The following ACACA variants were observed in gnomAD, a reference collection of about 807,000 sequenced individuals.
The protein encoded by ACACA is acetyl-CoA carboxylase 1.
A neutral mutation model predicts 296.1 loss-of-function variants in ACACA; 103 were observed. That is an observed-to-expected ratio of 0.35 (90% CI 0.30 to 0.41). ACACA has a LOEUF of 0.41. ACACA is among the 10% of genes least tolerant of loss of function. ACACA has a pLI of 1.00. For synonymous variants in ACACA, 953 were observed against 1,038.6 expected (o/e 0.92, Z 1.58); for missense variants, 1,554 against 2,989.7 (o/e 0.52, Z 11.20).
At chr17:37,304,130 GTA>G (rs1429038561) in intron 3 of ACACA, among the ~76,000 whole-genome samples, 1 of 151,974 alleles carries the variant, frequency 6.6e-6, no homozygotes, top group African/African-American at 2.4e-5. Flanking sequence ...TTTGCCATAG[GTA>G]TATCCTCTTT....
chr17:37,185,405 T>TC (rs2077491521), intron 39 of ACACA, among the ~76,000 whole-genome samples: 1 of 123,996 alleles, frequency 8.1e-6, no homozygotes, highest in African/African-American at 3.3e-5. Flanking sequence ...GCTATTTCTT[T>TC]TTTTTTTTTT....
chr17:37,089,230 C>T (rs1283528869), intron 54 of ACACA, among the ~76,000 whole-genome samples, 156 bp from the exon 55 acceptor site: 1 of 152,190 alleles, frequency 6.6e-6, no homozygotes, highest in Non-Finnish European at 1.5e-5. Flanking sequence ...GGAAGTAGGC[C>T]TCGAGGCAGG....
chr17:37,236,861 CA>C (rs2080137200), intron 24 of ACACA, among the ~76,000 whole-genome samples: 1 of 151,860 alleles, frequency 6.6e-6, no homozygotes, highest in Non-Finnish European at 1.5e-5. Flanking sequence ...AAAAACAAAA[CA>C]AAACAGTTTA....
chr17:37,148,785 T>A (rs1342023000), intron 45 of ACACA, among the ~76,000 whole-genome samples: 2 of 152,100 alleles, frequency 1.3e-5, no homozygotes, highest in African/African-American at 4.8e-5. Context: ...TCAGGCTGGA[T>A]TCAAACTTCT....
At chr17:37,293,763 C>A (rs1033007832) in intron 3 of ACACA, among the ~76,000 whole-genome samples, 1 of 152,108 alleles carries the variant, frequency 6.6e-6, no homozygotes, top group Admixed American at 6.6e-5. Flanking sequence ...TGGTCTCGAA[C>A]TCCTGACCTC....
At chr17:37,347,466 T>C (rs1352377722) in intron 1 of ACACA, among the ~76,000 whole-genome samples, 2 of 152,116 alleles carry the variant, frequency 1.3e-5, no homozygotes, top group Admixed American at 1.3e-4. Context: ...GCTAGCTTTT[T>C]TGTGATTTTT....
Position 37,113,074 on chromosome 17 carries a change from G to A in ACACA, c.6452+14C>T, listed in dbSNP as rs2074065021. 6.2e-7 allele frequency: 1 copy of A among 1,613,884 alleles called. No individual in the cohort carries two copies. The highest frequency in any genetic ancestry group is 1.7e-5 in the Admixed American group (1 of 59,998). On this transcript the variant is annotated intron_variant, in intron 51 of 55. Transcript: ENST00000616317. This position sits in a 1 kb window ranked among gnomAD's most constrained non-coding sequence, Gnocchi z 4.0. ...CCCTAAAGGCAGTGAATGGAAATGT[G>A]GAAGGCACGCTACCTGCTTTCTCGG...
intron 3 of ACACA, among the ~76,000 whole-genome samples, chr17:37,319,704 G>A (rs888101704): frequency 6.6e-6 from 1 of 151,996 alleles, no homozygotes; most frequent in Non-Finnish European, 1.5e-5. Flanking sequence ...TGTAATCCCA[G>A]CATTTTGGGA....
intron 9 of ACACA, among the ~76,000 whole-genome samples, chr17:37,273,776 CTGTT>C: frequency 6.6e-6 from 1 of 152,304 alleles, no homozygotes. Context: ...ATAAAGCTGA[CTGTT>C]TGATCTCTGC....
chr17:37,152,565 A>G (rs964699126), intron 43 of ACACA, among the ~76,000 whole-genome samples: 2 of 152,174 alleles, frequency 1.3e-5, no homozygotes, highest in Non-Finnish European at 2.9e-5. Context: ...ATGTGTGTAG[A>G]AGTGAAATGC....
In ACACA at chr17:37,260,281, TATATATATATA is replaced by T. The variant is rs1359534150; in HGVS notation, c.1330-762_1330-752del. Among the ~76,000 whole-genome samples, 32 of 36,220 alleles carry T rather than the reference TATATATATATA, an allele frequency of 8.8e-4. 2 individuals carry two copies. The highest frequency in any genetic ancestry group is 5.6e-3 in the East Asian group (4 of 714). 23.8% of individuals were successfully genotyped at this position (36,220 alleles called of 152,430 possible). On this transcript the variant is annotated intron_variant, in intron 11 of 55. Coordinates refer to ENST00000616317, the MANE Select transcript of ACACA (RefSeq NM_198834.3). The stretch of plus-strand genomic sequence containing the variant: ...ATATATATATATATATATATATATA[TATATATATATA>T]TATATTTTTTTTTTTTTTTTTTTTG...
At position 37,151,344 on chromosome 17, in the gene ACACA, C is replaced by T; in HGVS notation, c.5525G>A (p.Gly1842Glu). ...CTCATTATAGGCCAATGAGGATTCT[C>T]CAGCAATCATTCCAGAACCTCGAAG... ...ENLRGSGMIA[G>E]ESSLAYNEII... Residue 1842 changes from glycine to glutamate, a missense_variant, in exon 44 of 56, where the codon GGA becomes GAA. Transcript: ENST00000616317. 6.2e-7 allele frequency: 1 copy of T among 1,614,022 alleles called. No homozygotes were observed. The highest frequency in any genetic ancestry group is 8.5e-7 in the Non-Finnish European group (1 of 1,179,988).
chr17:37,327,355 A>C (rs1274037558), intron 3 of ACACA, among the ~76,000 whole-genome samples: 1 of 152,224 alleles, frequency 6.6e-6, no homozygotes, highest in African/African-American at 2.4e-5. Context: ...AAGTGACTTA[A>C]GGAATGGATA....
intron 45 of ACACA, among the ~76,000 whole-genome samples, chr17:37,146,840 ACCC>A (rs1441621889): frequency 7.3e-6 from 1 of 137,222 alleles, no homozygotes; most frequent in Non-Finnish European, 1.6e-5. Flanking sequence ...CCCCCCCAAA[ACCC>A]CCCAACCCCC....
intron 11 of ACACA, among the ~76,000 whole-genome samples, chr17:37,261,010 A>G (rs1266643894): frequency 6.6e-6 from 1 of 152,184 alleles, no homozygotes; most frequent in Non-Finnish European, 1.5e-5. Flanking sequence ...ATGCTAGCTT[A>G]GCAAAAGGGT....
At chr17:37,229,395 C>T (rs905513648) in intron 25 of ACACA, among the ~76,000 whole-genome samples, 3 of 151,756 alleles carry the variant, frequency 2.0e-5, no homozygotes, top group Admixed American at 6.6e-5. Flanking sequence ...GCTCCGCCTC[C>T]GGGGTTCACG....
At chr17:37,200,026 A>G in intron 35 of ACACA, 113 bp downstream of exon 35, 1 of 787,214 alleles carries the variant, frequency 1.3e-6, no homozygotes, top group Non-Finnish European at 2.1e-6. Context: ...TAATTTCTAA[A>G]AGAAGAAGGA....
chr17:37,390,175 T>TATATACACACACAC (rs60788220), intron 1 of ACACA, among the ~76,000 whole-genome samples: 13 of 44,510 alleles, frequency 2.9e-4, no homozygotes, highest in African/African-American at 1.5e-3. Flanking sequence ...TATATATATA[T>TATATACACACACAC]ACACACACAC....
chr17:37,387,980 T>C (rs1380114657), intron 1 of ACACA: 1 of 152,056 alleles, frequency 6.6e-6, no homozygotes, highest in East Asian at 1.9e-4. Context: ...GCGGGAAATA[T>C]AATGAGACTC....
Sources: allele counts gnomAD v4.1 joint callset (sites outside exome capture counted in the v4.1 genomes callset), GRCh38; gene constraint gnomAD v4.1.1; non-coding constraint Gnocchi (gnomAD v3.1); transcripts MANE v1.5; gene names NCBI Gene and HGNC (gene_info 2026-07-23, HGNC 2026-07-21).